Variants in CEP63 observed in about 807,000 individuals in gnomAD.
CEP63 encodes the protein centrosomal protein 63.
Under a neutral mutation model 89.1 loss-of-function variants are expected in CEP63, and 84 were observed. That is an observed-to-expected ratio of 0.94 (90% CI 0.79 to 1.13). The LOEUF (loss-of-function observed/expected upper bound fraction) is 1.13. CEP63 is among the 50% of genes most tolerant of loss of function. CEP63 has a pLI of 0.00. For missense variants in CEP63, 838 were observed against 813.3 expected, an observed-to-expected ratio of 1.03 and a Z score of -0.37; for synonymous variants, 267 against 272.5, an observed-to-expected ratio of 0.98 and a Z score of 0.20.
the CEP63 span, among the ~76,000 whole-genome samples, chr3:134,768,318 G>GC: frequency 6.6e-6 from 1 of 152,176 alleles, no homozygotes; most frequent in African/African-American, 2.4e-5. Context: ...ATTATCTTTA[G>GC]CCAGCCAGCC....
At chr3:134,630,267 C>T in the CEP63 span, among the ~76,000 whole-genome samples, 8 of 152,202 alleles carry the variant, frequency 5.3e-5, no homozygotes, top group African/African-American at 1.9e-4. Context: ...AACTCAGCCC[C>T]CAGGCAATTC....
At chr3:134,545,454 CAA>C in intron 6 of CEP63, 130 bp from the exon 7 acceptor site, 3 of 579,124 alleles carry the variant, frequency 5.2e-6, no homozygotes, top group East Asian at 3.1e-5. Context: ...TACCCCTTCG[CAA>C]TATATATATA....
the CEP63 span, among the ~76,000 whole-genome samples, chr3:134,737,917 C>T: frequency 2.0e-5 from 3 of 152,110 alleles, no homozygotes; most frequent in Non-Finnish European, 4.4e-5. Flanking sequence ...TCTCTCAAGG[C>T]TTAGGCCCAG....
the CEP63 span, among the ~76,000 whole-genome samples, chr3:134,621,836 C>T: frequency 6.6e-6 from 1 of 151,932 alleles, no homozygotes; most frequent in African/African-American, 2.4e-5. Context: ...GTTAAATATC[C>T]AGAATATAAA....
chr3:134,633,439 G>A, the CEP63 span, among the ~76,000 whole-genome samples: 199 of 152,154 alleles, frequency 1.3e-3, no homozygotes, highest in South Asian at 6.0e-3. Flanking sequence ...ATGCAAAGCT[G>A]GTTAAATATT....
At chr3:134,746,789 T>C in the CEP63 span, among the ~76,000 whole-genome samples, 34 of 152,360 alleles carry the variant, frequency 2.2e-4, no homozygotes, top group Admixed American at 9.1e-4. Flanking sequence ...TTTTTTCTTG[T>C]AAATTTGTTT....
the CEP63 span, among the ~76,000 whole-genome samples, chr3:134,776,650 G>A: frequency 6.6e-6 from 1 of 152,140 alleles, no homozygotes; most frequent in Non-Finnish European, 1.5e-5. Context: ...TTCTTGGTTT[G>A]GGGCAGCTGG....
chr3:134,740,723 T>G, the CEP63 span, among the ~76,000 whole-genome samples: 1 of 152,194 alleles, frequency 6.6e-6, no homozygotes, highest in African/African-American at 2.4e-5. Context: ...CACATTAAAG[T>G]TGAGAAACAC....
chr3:134,615,268 G>C, the CEP63 span: 1 of 152,314 alleles, frequency 6.6e-6, no homozygotes, highest in Non-Finnish European at 1.5e-5. Flanking sequence ...AGAGAGAGAG[G>C]CTGCCTTGCC....
Position 134,524,702 on chromosome 3 carries a change from G to A in CEP63, c.223-7143G>A, listed in dbSNP as rs543227602. Reference sequence around the variant, plus strand: ...TCACATTTATTGATTTGTGTCTGTCGAGCCAACCTTGCATCCTAGGGATGA... The same window carrying A: ...TCACATTTATTGATTTGTGTCTGTCAAGCCAACCTTGCATCCTAGGGATGA... On this transcript the variant is annotated intron_variant, in intron 3 of 14. Transcript: ENST00000675561. Among the ~76,000 whole-genome samples the A allele has an allele frequency of 3.9e-5, 6 of 152,228 alleles. No homozygotes were observed. The East Asian group carries it at 9.6e-4, about 24-fold the overall frequency.
At chr3:134,533,154 G>C (rs1048774190) in intron 5 of CEP63, among the ~76,000 whole-genome samples, 9 of 152,144 alleles carry the variant, frequency 5.9e-5, no homozygotes, top group Non-Finnish European at 5.9e-5. Context: ...AATGTACGGA[G>C]ACATATTTTT....
At chr3:134,701,697 A>G in the CEP63 span, among the ~76,000 whole-genome samples, 5 of 151,944 alleles carry the variant, frequency 3.3e-5, no homozygotes, top group Non-Finnish European at 7.4e-5. Flanking sequence ...CACCACTCCT[A>G]TTCAACATAG....
Position 134,550,266 on chromosome 3 carries a change from G to A in CEP63, c.1380+6G>A, listed in dbSNP as rs1421596048. ...ACAAAGCAGTAGAGCATAAGGTGAA[G>A]CCTGAACAAAACCTTTTTTAAATTT... is the stretch of plus-strand genomic sequence containing the variant. On this transcript the variant is annotated splice_donor_region_variant and intron_variant, in intron 11 of 14. Transcript: ENST00000675561. 1 of 1,613,458 alleles carries A rather than the reference G, an allele frequency of 6.2e-7. No individual in the cohort carries two copies. Among genetic ancestry groups the A allele is most frequent in the East Asian group, 2.2e-5 (1 of 44,854 alleles).
the CEP63 span, among the ~76,000 whole-genome samples, chr3:134,775,402 T>TGAA: frequency 6.6e-6 from 1 of 152,148 alleles, no homozygotes; most frequent in Admixed American, 6.5e-5. Context: ...GGCCAGCCTT[T>TGAA]GGAATCCCTA....
the CEP63 span, chr3:134,601,013 G>A: frequency 5.3e-5 from 8 of 152,358 alleles, no homozygotes; most frequent in East Asian, 1.5e-3. Flanking sequence ...CCGCACTTCG[G>A]ACACCTGGGG....
chr3:134,580,681 TTAA>T (rs1469887867), intron 10 of CEP63, among the ~76,000 whole-genome samples: 2 of 152,204 alleles, frequency 1.3e-5, no homozygotes, highest in Non-Finnish European at 2.9e-5. Flanking sequence ...ATTAAGTCTA[TTAA>T]TAAAGAACAA....
the CEP63 span, among the ~76,000 whole-genome samples, chr3:134,668,188 G>A: frequency 1.3e-5 from 2 of 152,182 alleles, no homozygotes; most frequent in Admixed American, 6.5e-5. Flanking sequence ...CTTGGAACTG[G>A]AAGTGTGGAC....
At chr3:134,647,735 A>G in the CEP63 span, among the ~76,000 whole-genome samples, 1 of 152,224 alleles carries the variant, frequency 6.6e-6, no homozygotes, top group Non-Finnish European at 1.5e-5. Context: ...AGGGTCATTT[A>G]GGGAGAATTT....
intron 10 of CEP63, among the ~76,000 whole-genome samples, chr3:134,585,534 T>G (rs1958466523): frequency 6.6e-6 from 1 of 152,202 alleles, no homozygotes; most frequent in East Asian, 1.9e-4. Flanking sequence ...AGTTCTAATT[T>G]GATTGCATTG....
Sources: gnomAD v4.1 joint callset for allele counts (sites outside exome capture counted in the v4.1 genomes callset) on GRCh38, gnomAD v4.1.1 for gene constraint, MANE v1.5 for transcripts, NCBI Gene and HGNC (gene_info 2026-07-23, HGNC 2026-07-21) for gene names.